The following RARB variants were observed in gnomAD, a reference collection of about 807,000 sequenced individuals.
The protein encoded by RARB is retinoic acid receptor beta, also known as HBV-activated protein.
In RARB, 17 loss-of-function variants were observed where a neutral mutation model predicts 51.9. The ratio of observed to expected loss-of-function variants is 0.33; its 90% CI spans 0.22 to 0.49. RARB has a LOEUF of 0.49. Among genes scored for constraint, RARB ranks in the 20% least tolerant of loss-of-function variants. The pLI, the probability that RARB is intolerant of heterozygous loss-of-function variation, is 0.99. For missense variants in RARB, 369 were observed against 550.8 expected (o/e 0.67, Z 3.30); for synonymous variants, 215 against 195.4 (o/e 1.10, Z -0.84).
intron 5 of RARB, among the ~76,000 whole-genome samples, chr3:25,255,254 A>C (rs1454756254): frequency 6.6e-6 from 1 of 152,146 alleles, no homozygotes; most frequent in Admixed American, 6.5e-5. Flanking sequence ...TGGATATTTA[A>C]TCTGTTTTTG....
At chr3:25,014,423 G>A (rs968921062) in intron 2 of RARB, among the ~76,000 whole-genome samples, 1 of 152,092 alleles carries the variant, frequency 6.6e-6, no homozygotes, top group Non-Finnish European at 1.5e-5. Context: ...AAGTTCAGGA[G>A]GATGATAGTC....
At chr3:25,164,659 T>G (rs768442370) in intron 4 of RARB, among the ~76,000 whole-genome samples, 18 of 152,256 alleles carry the variant, frequency 1.2e-4, no homozygotes, top group Non-Finnish European at 2.2e-4. Context: ...AATACTTATT[T>G]AAATCTGCTA....
intron 2 of RARB, among the ~76,000 whole-genome samples, chr3:25,003,875 A>G (rs1697217031): frequency 6.6e-6 from 1 of 152,112 alleles, no homozygotes; most frequent in African/African-American, 2.4e-5. Flanking sequence ...AATTTGTTGA[A>G]TGATATGATT....
chr3:25,036,964 G>A (rs1698008541), intron 2 of RARB, among the ~76,000 whole-genome samples: 1 of 152,206 alleles, frequency 6.6e-6, no homozygotes, highest in South Asian at 2.1e-4. Context: ...AGTGAGGATA[G>A]GGATTTACAA....
intron 5 of RARB, among the ~76,000 whole-genome samples, chr3:25,275,480 G>A (rs1188285348): frequency 6.6e-6 from 1 of 152,050 alleles, no homozygotes; most frequent in African/African-American, 2.4e-5. Context: ...AACAAACTCA[G>A]GTCTGTATTT....
intron 3 of RARB, among the ~76,000 whole-genome samples, chr3:25,125,809 T>G (rs1270722482): frequency 6.6e-6 from 1 of 152,186 alleles, no homozygotes; most frequent in African/African-American, 2.4e-5. Context: ...GAATTGAACT[T>G]TGATTAATAA....
At chr3:25,251,991 C>T (rs958118614) in intron 5 of RARB, among the ~76,000 whole-genome samples, 2 of 151,960 alleles carry the variant, frequency 1.3e-5, no homozygotes, top group Non-Finnish European at 2.9e-5. Flanking sequence ...CTAGTTTTAG[C>T]TCTTATATTT....
At position 25,445,624 on chromosome 3, in the gene RARB, G is replaced by A. The variant is rs139196720; in HGVS notation, c.158-15569G>A. On this transcript the variant is annotated intron_variant, in intron 1 of 7. Transcript: ENST00000330688. ...AGGGGTTGCAGTGAGCCGAGGTCGC[G>A]CCACTGCACTCCAGCCTGGGTGACA... is the stretch of plus-strand genomic sequence containing the variant. Among the ~76,000 whole-genome samples, 1,263 of 152,100 alleles carry A rather than the reference G, an allele frequency of 8.3e-3. 15 individuals carry two copies. The highest frequency in any genetic ancestry group is 0.029 in the African/African-American group (1,209 of 41,480).
intron 2 of RARB, among the ~76,000 whole-genome samples, chr3:24,934,213 T>C (rs573948461): frequency 2.3e-4 from 35 of 152,260 alleles, no homozygotes; most frequent in East Asian, 9.7e-4. Flanking sequence ...AGACATTTCA[T>C]TGTGGCTCTT....
Position 25,492,828 on chromosome 3 carries a change from A to G in RARB, c.307-8354A>G, listed in dbSNP as rs545112617. On this transcript the variant is annotated intron_variant, in intron 2 of 7. Coordinates refer to ENST00000330688, the MANE Select transcript of RARB (RefSeq NM_000965.5). Reference sequence around the variant, plus strand: ...GAATTGAAAGGAGACTTTTAGGCCTAAAACACATGGTCAGATTCTCAGTGA... The same window carrying G: ...GAATTGAAAGGAGACTTTTAGGCCTGAAACACATGGTCAGATTCTCAGTGA... Among the ~76,000 whole-genome samples the G allele has an allele frequency of 1.5e-3, 232 of 152,318 alleles. 4 individuals carry two copies. Among genetic ancestry groups the G allele is most frequent in the Non-Finnish European group, 4.4e-4 (30 of 68,028 alleles).
chr3:25,515,511 G>C (rs183595034), intron 3 of RARB, among the ~76,000 whole-genome samples: 1 of 152,180 alleles, frequency 6.6e-6, no homozygotes, highest in Non-Finnish European at 1.5e-5. Flanking sequence ...CAATCCTGGG[G>C]GGGAGGGGGA....
At position 25,096,322 on chromosome 3, in the gene RARB, T is replaced by A. The variant is rs1699291619; in HGVS notation, c.-327-35839T>A. 5.3e-5 allele frequency among the ~76,000 whole-genome samples: 8 copies of A among 152,216 alleles called. 1 individual carries two copies. In the South Asian group the frequency reaches 1.7e-3, roughly 32 times the overall value. On this transcript the variant is annotated intron_variant, in intron 3 of 11. Transcript: ENST00000383772. Reference sequence around the variant, plus strand: ...ATAATTAAACTGAGAACTTGTATGGTGCCTCAAGAGGGGAGAGAAGGAAGA... The same window carrying A: ...ATAATTAAACTGAGAACTTGTATGGAGCCTCAAGAGGGGAGAGAAGGAAGA...
At chr3:25,274,165 T>A (rs985755791) in intron 5 of RARB, among the ~76,000 whole-genome samples, 1 of 152,236 alleles carries the variant, frequency 6.6e-6, no homozygotes, top group Non-Finnish European at 1.5e-5. Context: ...TTCAACAATA[T>A]GTTTCATTTA....
intron 2 of RARB, among the ~76,000 whole-genome samples, chr3:24,976,360 G>A (rs1220897569): frequency 6.6e-6 from 1 of 152,184 alleles, no homozygotes; most frequent in Non-Finnish European, 1.5e-5. Flanking sequence ...CTTCCACAAT[G>A]ATTGAACTAA....
rs118012481 is a variant in RARB at position 25,592,901 on chromosome 3, T to G, written c.787-602T>G. Among the ~76,000 whole-genome samples, 173 of 152,318 alleles carry G rather than the reference T, an allele frequency of 1.1e-3. 3 individuals are homozygous for G. In the East Asian group the frequency reaches 0.027, roughly 24 times the overall value. ...TGTATTACAGCTGCCTGTGTAACCGTGTGATCAGAGGCATCATGGGAGAGA... is the reference window on the plus strand; with the variant it reads ...TGTATTACAGCTGCCTGTGTAACCGGGTGATCAGAGGCATCATGGGAGAGA... On this transcript the variant is annotated intron_variant, in intron 5 of 7. Transcript: ENST00000330688.
chr3:25,265,198 T>C (rs1020791960), intron 5 of RARB, among the ~76,000 whole-genome samples: 1 of 152,298 alleles, frequency 6.6e-6, no homozygotes, highest in African/African-American at 2.4e-5. Flanking sequence ...ATTCTGTGGT[T>C]ACAATAGAGG....
chr3:25,386,401 T>A (rs1706795029), intron 5 of RARB, among the ~76,000 whole-genome samples: 1 of 152,194 alleles, frequency 6.6e-6, no homozygotes, highest in Admixed American at 6.5e-5. Context: ...AGTGGGATTG[T>A]TCCTGATGGT....
At chr3:25,437,578 C>CA (rs1270820189) in intron 1 of RARB, among the ~76,000 whole-genome samples, 14 of 152,134 alleles carry the variant, frequency 9.2e-5, no homozygotes, top group Non-Finnish European at 4.4e-5. Context: ...ATAACAAACC[C>CA]AAAAATCTCC....
chr3:24,845,088 A>G (rs1469814334), intron 1 of RARB, among the ~76,000 whole-genome samples: 1 of 152,244 alleles, frequency 6.6e-6, no homozygotes, highest in Non-Finnish European at 1.5e-5. Context: ...TAATATCCAT[A>G]TAAGAATAAA....
Sources: gnomAD v4.1 joint callset for allele counts (sites outside exome capture counted in the v4.1 genomes callset) on GRCh38, gnomAD v4.1.1 for gene constraint, MANE v1.5 for transcripts, NCBI Gene and HGNC (gene_info 2026-07-23, HGNC 2026-07-21) for gene names.